Variants in ATP9A observed in about 807,000 individuals in gnomAD.
The protein encoded by ATP9A is ATPase phospholipid transporting 9A.
A neutral mutation model predicts 144.1 loss-of-function variants in ATP9A; 52 were observed. That is an observed-to-expected ratio of 0.36 (90% CI 0.29 to 0.45). The LOEUF is 0.45. ATP9A is among the 20% of genes least tolerant of loss of function. The pLI is 1.00. For synonymous variants in ATP9A, 582 were observed against 557.4 expected (o/e 1.04, Z -0.62); for missense variants, 947 against 1,392.7 (o/e 0.68, Z 5.09).
intron 18 of ATP9A, among the ~76,000 whole-genome samples, chr20:51,622,773 G>A (rs1034320422): frequency 3.3e-5 from 5 of 152,144 alleles, no homozygotes; most frequent in Admixed American, 6.6e-5. Context: ...CCCAGAATCC[G>A]GGTCTTTAGA....
intron 1 of ATP9A, among the ~76,000 whole-genome samples, chr20:51,759,583 G>C (rs1179815615): frequency 6.6e-6 from 1 of 152,098 alleles, no homozygotes; most frequent in Admixed American, 6.6e-5. Context: ...TGAGGCAAGA[G>C]AATCGCTTGA....
intron 1 of ATP9A, among the ~76,000 whole-genome samples, chr20:51,730,912 T>C (rs1246768688): frequency 6.6e-6 from 1 of 152,224 alleles, no homozygotes; most frequent in East Asian, 1.9e-4. Context: ...TTTATGCCTA[T>C]AATCCCAACA....
chr20:51,706,763 G>A (rs13040391), intron 4 of ATP9A, among the ~76,000 whole-genome samples: 36 of 152,122 alleles, frequency 2.4e-4, no homozygotes, highest in African/African-American at 8.7e-4. Flanking sequence ...AATAAAGAAC[G>A]AAAAGAAACT....
chr20:51,627,560 G>A lies in ATP9A; in HGVS notation c.1845+40C>T, dbSNP rs763897022. 42 of 1,560,412 alleles carry A rather than the reference G, an allele frequency of 2.7e-5. 1 individual carries two copies. The Admixed American group carries it at 4.5e-4, about 17-fold the overall frequency. On this transcript the variant is annotated intron_variant, in intron 17 of 27. Coordinates refer to ENST00000338821, the MANE Select transcript of ATP9A (RefSeq NM_006045.3). ...TGGAAGGAGTGACTGGGAGGCAGGT[G>A]GGGCTGCAAAGGCAATGGAAAGGTC...
intron 24 of ATP9A, 73 bp downstream of exon 24, chr20:51,610,026 CCA>C: frequency 7.3e-7 from 1 of 1,373,224 alleles, no homozygotes; most frequent in Non-Finnish European, 1.0e-6. Context: ...AATTTTTCCA[CCA>C]CGTTTCTTCT....
In ATP9A at chr20:51,693,994, G is replaced by A. The variant is rs780330272; in HGVS notation, c.642+14C>T. ...AGGTTGCCCGCATGGGCTTCTGCAG[G>A]GAAAGCTACTCACGGCGGCCGTGGG... On this transcript the variant is annotated intron_variant, in intron 7 of 27. Transcript: ENST00000338821. The A allele has an allele frequency of 6.2e-7, 1 of 1,610,412 alleles. No individual in the cohort carries two copies. Among genetic ancestry groups the A allele is most frequent in the South Asian group, 1.1e-5 (1 of 90,774 alleles).
At chr20:51,750,488 T>C (rs1025136155) in intron 1 of ATP9A, among the ~76,000 whole-genome samples, 3 of 152,006 alleles carry the variant, frequency 2.0e-5, no homozygotes, top group African/African-American at 7.3e-5. Flanking sequence ...CCCAAAAAAT[T>C]CCAGAAAACA....
At chr20:51,607,442 T>C in intron 26 of ATP9A, 85 bp downstream of exon 26, 1 of 1,268,184 alleles carries the variant, frequency 7.9e-7, no homozygotes, top group East Asian at 2.3e-5. Flanking sequence ...ATTCGTTTCT[T>C]CTCTTCTTGT....
At chr20:51,728,102 C>T (rs968844725) in intron 2 of ATP9A, among the ~76,000 whole-genome samples, 12 of 152,058 alleles carry the variant, frequency 7.9e-5, no homozygotes, top group African/African-American at 2.7e-4. Flanking sequence ...AATGAATGGA[C>T]GTACTGTGTC....
chr20:51,701,211 A>G (rs2077591920), intron 4 of ATP9A, among the ~76,000 whole-genome samples: 1 of 152,214 alleles, frequency 6.6e-6, no homozygotes. Flanking sequence ...AACTCATAGA[A>G]GAGCATGTGT....
intron 4 of ATP9A, among the ~76,000 whole-genome samples, chr20:51,699,919 G>A (rs1327612085): frequency 1.3e-5 from 2 of 152,092 alleles, no homozygotes; most frequent in Non-Finnish European, 2.9e-5. Flanking sequence ...GGGATTACAG[G>A]CATGAGCCAC....
chr20:51,731,899 G>A (rs1187652574), intron 1 of ATP9A, among the ~76,000 whole-genome samples: 2 of 152,052 alleles, frequency 1.3e-5, no homozygotes, highest in Non-Finnish European at 2.9e-5. Context: ...AAAAGGGGGA[G>A]CGGGGGAATC....
intron 1 of ATP9A, among the ~76,000 whole-genome samples, chr20:51,765,850 G>A (rs1274706592): frequency 6.6e-6 from 1 of 151,978 alleles, no homozygotes; most frequent in African/African-American, 2.4e-5. Context: ...CCAGCTACTT[G>A]GGAAGCTGAG....
rs1223304142 is a variant in ATP9A, at chr20:51,668,100, G to C, written c.1293+1897C>G. Among the ~76,000 whole-genome samples, 2 of 26,804 alleles carry C rather than the reference G, an allele frequency of 7.5e-5. 1 individual carries two copies. The highest frequency in any genetic ancestry group is 1.9e-4 in the African/African-American group (2 of 10,570). The allele number at this position is 26,804 out of a possible 152,430, so 17.6% of individuals were successfully genotyped here. A position where few individuals can be genotyped will look rare whatever the true frequency, so the allele number is the denominator to read the frequency against. ...AGGAAGGGAGGTGGGGGGGGGGGGG[G>C]GCGGAAGGGCTGGGAGTGGGCGAGG... On this transcript the variant is annotated intron_variant, in intron 13 of 27. Coordinates refer to ENST00000338821, the MANE Select transcript of ATP9A (RefSeq NM_006045.3).
intron 3 of ATP9A, among the ~76,000 whole-genome samples, chr20:51,715,073 T>G (rs561362774): frequency 1.9e-4 from 29 of 152,322 alleles, no homozygotes; most frequent in African/African-American, 6.0e-4. Flanking sequence ...GGACAGTTAT[T>G]TTTTAAATAC....
intron 5 of ATP9A, among the ~76,000 whole-genome samples, chr20:51,697,153 T>C (rs765543268): frequency 6.6e-6 from 1 of 152,164 alleles, no homozygotes; most frequent in African/African-American, 2.4e-5. Flanking sequence ...AATAAGCACA[T>C]CGAACAGGAA....
intron 1 of ATP9A, among the ~76,000 whole-genome samples, chr20:51,742,608 G>A (rs1223757399): frequency 6.6e-6 from 1 of 152,010 alleles, no homozygotes; most frequent in Non-Finnish European, 1.5e-5. Context: ...TCCGCCTCCT[G>A]GGTTCAAGCA....
Position 51,768,298 on chromosome 20 carries a change from T to C in ATP9A, c.68+4A>G. 7.7e-7 allele frequency: 1 copy of C among 1,290,810 alleles called. No individual in the cohort carries two copies. Among genetic ancestry groups the C allele is most frequent in the Non-Finnish European group, 9.9e-7 (1 of 1,010,346 alleles). 80.0% of individuals were successfully genotyped at this position (1,290,810 alleles called of 1,614,324 possible). ...AAGGAAAACACGGGCCCAGGCCCACTCACCCGGCGCGGGGCCTGCTGTCCA... is the reference window on the plus strand; with the variant it reads ...AAGGAAAACACGGGCCCAGGCCCACCCACCCGGCGCGGGGCCTGCTGTCCA... On this transcript the variant is annotated splice_donor_region_variant and intron_variant, in intron 1 of 27. Transcript: ENST00000338821.
At chr20:51,704,767 C>T (rs976354598) in intron 4 of ATP9A, among the ~76,000 whole-genome samples, 1 of 151,836 alleles carries the variant, frequency 6.6e-6, no homozygotes, top group African/African-American at 2.4e-5. Context: ...GCAACAAGAG[C>T]GAAACTCCAT....
Sources: allele counts gnomAD v4.1 joint callset (sites outside exome capture counted in the v4.1 genomes callset), GRCh38; gene constraint gnomAD v4.1.1; transcripts MANE v1.5; gene names NCBI Gene and HGNC (gene_info 2026-07-23, HGNC 2026-07-21).